The following EZR variants were observed in gnomAD, a reference collection of about 807,000 sequenced individuals.
EZR encodes the protein ezrin, also known as cytovillin 2.
EZR carries 40 observed loss-of-function variants against 74.8 expected under a neutral mutation model. The observed-to-expected ratio is 0.53, with a 90% confidence interval of 0.42 to 0.70. EZR has a LOEUF of 0.70. EZR is among the 30% of genes least tolerant of loss of function. The probability of loss-of-function intolerance (pLI) is 0.00; values close to 1 mark genes in which losing one functional copy is unlikely to be tolerated. For synonymous variants in EZR, 341 were observed against 283.3 expected, an observed-to-expected ratio of 1.20 and a Z score of -2.05; for missense variants, 678 against 755.8, an observed-to-expected ratio of 0.90 and a Z score of 1.21.
At chr6:158,774,574 A>C (rs1268198473) in intron 8 of EZR, among the ~76,000 whole-genome samples, 1 of 151,672 alleles carries the variant, frequency 6.6e-6, no homozygotes, top group Admixed American at 6.6e-5. Context: ...AGGCTACTCT[A>C]TAATAAAGGC....
At chr6:158,771,503 A>C in intron 8 of EZR, 96 bp from the exon 9 acceptor site, 1 of 1,334,624 alleles carries the variant, frequency 7.5e-7, no homozygotes. Context: ...TTTCTAAAAG[A>C]ACAAATGTAG....
At chr6:158,774,890 C>T (rs763499253) in intron 8 of EZR, among the ~76,000 whole-genome samples, 4 of 152,044 alleles carry the variant, frequency 2.6e-5, no homozygotes, top group African/African-American at 7.3e-5. Context: ...GACATGAAGA[C>T]GCTATGACCC....
At chr6:158,813,557 G>A (rs1011733595) in intron 2 of EZR, among the ~76,000 whole-genome samples, 1 of 152,238 alleles carries the variant, frequency 6.6e-6, no homozygotes, top group African/African-American at 2.4e-5. Flanking sequence ...GGAGGAGGAG[G>A]GGTGGAAACA....
At chr6:158,797,627 C>T (rs1266588766) in intron 2 of EZR, among the ~76,000 whole-genome samples, 1 of 152,194 alleles carries the variant, frequency 6.6e-6, no homozygotes, top group Non-Finnish European at 1.5e-5. Flanking sequence ...CTTTCAAATA[C>T]TTAGAAATGC....
chr6:158,817,022 T>C (rs1198302141), intron 2 of EZR, among the ~76,000 whole-genome samples: 3 of 151,962 alleles, frequency 2.0e-5, no homozygotes, highest in Non-Finnish European at 4.4e-5. Flanking sequence ...GAGGCAGAGG[T>C]TGCAGTGAGC....
intron 2 of EZR, among the ~76,000 whole-genome samples, chr6:158,817,295 C>G (rs949202133): frequency 1.3e-5 from 2 of 152,186 alleles, no homozygotes; most frequent in Non-Finnish European, 2.9e-5. Flanking sequence ...ATACATACAA[C>G]TTTCTAAGAA....
rs1790770527 is a variant in EZR at position 158,766,030 on chromosome 6, A to C, written c.*884T>G. On this transcript the variant is annotated 3_prime_UTR_variant, in exon 14 of 14. Coordinates refer to ENST00000367075, the MANE Select transcript of EZR (RefSeq NM_001111077.2). Reference sequence around the variant, plus strand: ...TGTGCATAGTCCATTACATGCATAAAACACTAATAATAATCCTGTTTACAC... The same window carrying C: ...TGTGCATAGTCCATTACATGCATAACACACTAATAATAATCCTGTTTACAC... 6.6e-6 allele frequency: 1 copy of C among 152,610 alleles called. No individual in the cohort carries two copies. The highest frequency in any genetic ancestry group is 2.1e-4 in the South Asian group (1 of 4,830). The allele number at this position is 152,610 out of a possible 1,614,324, so 9.5% of individuals were successfully genotyped here.
intron 2 of EZR, among the ~76,000 whole-genome samples, chr6:158,798,208 TTC>T (rs10597112): frequency 0.41 from 61,848 of 151,970 alleles, 13,218 homozygotes; most frequent in Non-Finnish European, 0.48. Context: ...TGGCTGTCAC[TTC>T]TGTCTACCCA....
chr6:158,813,806 G>C (rs1453676226), intron 2 of EZR, among the ~76,000 whole-genome samples: 2 of 152,226 alleles, frequency 1.3e-5, no homozygotes, highest in Non-Finnish European at 2.9e-5. Flanking sequence ...GAAATGAACA[G>C]GTAAGATGTG....
chr6:158,816,285 T>C (rs1040788095), intron 2 of EZR, among the ~76,000 whole-genome samples: 4 of 152,108 alleles, frequency 2.6e-5, no homozygotes, highest in Admixed American at 6.5e-5. Context: ...CTTAATACCT[T>C]GAAATGTAAA....
intron 2 of EZR, among the ~76,000 whole-genome samples, chr6:158,807,964 A>G (rs1409814285): frequency 6.6e-6 from 1 of 152,218 alleles, no homozygotes; most frequent in Non-Finnish European, 1.5e-5. Flanking sequence ...CATTCACTGG[A>G]TGTGACTGTC....
intron 2 of EZR, among the ~76,000 whole-genome samples, chr6:158,796,395 G>T (rs1310049850): frequency 1.3e-5 from 2 of 152,248 alleles, no homozygotes; most frequent in Admixed American, 1.3e-4. Context: ...ATTCCCTGGA[G>T]CACCTGAGCC....
At chr6:158,798,371 A>C (rs2128573310) in intron 2 of EZR, among the ~76,000 whole-genome samples, 1 of 152,356 alleles carries the variant, frequency 6.6e-6, no homozygotes, top group South Asian at 2.1e-4. Flanking sequence ...TTTAAAAACT[A>C]AACTTTTTGG....
intron 2 of EZR, among the ~76,000 whole-genome samples, chr6:158,802,592 C>G (rs543740226): frequency 6.6e-6 from 1 of 152,140 alleles, no homozygotes; most frequent in Non-Finnish European, 1.5e-5. Flanking sequence ...AGTGCAGTGG[C>G]GCAATCTCGG....
At chr6:158,777,774 T>G (rs1179365042) in intron 7 of EZR, among the ~76,000 whole-genome samples, 3 of 152,174 alleles carry the variant, frequency 2.0e-5, no homozygotes, top group Non-Finnish European at 2.9e-5. Flanking sequence ...ATGGCCCTTC[T>G]GGGGAATTAG....
chr6:158,778,639 G>A (rs1791346428), intron 7 of EZR, among the ~76,000 whole-genome samples: 1 of 152,220 alleles, frequency 6.6e-6, no homozygotes, highest in Admixed American at 6.5e-5. Flanking sequence ...GGACCAGACA[G>A]AGGCCTTTGG....
intron 1 of EZR, 35 bp downstream of exon 1, chr6:158,819,269 CCCCCCGCCCAGAA>C (rs1777639413): frequency 1.3e-5 from 2 of 153,072 alleles, no homozygotes; most frequent in East Asian, 3.9e-4. Context: ...CCACCAGGAA[CCCCCCGCCCAGAA>C]CCCCCGTCCC....
At chr6:158,809,054 A>T (rs768327508) in intron 2 of EZR, among the ~76,000 whole-genome samples, 1 of 152,326 alleles carries the variant, frequency 6.6e-6, no homozygotes, top group South Asian at 2.1e-4. Flanking sequence ...CTATGATTGT[A>T]CCACTGCACT....
chr6:158,798,529 A>G (rs980625745), intron 2 of EZR, among the ~76,000 whole-genome samples: 6 of 150,444 alleles, frequency 4.0e-5, no homozygotes, highest in African/African-American at 1.5e-4. Flanking sequence ...TCTGGGCGCT[A>G]TGGGGTGCCC....
Sources: allele counts gnomAD v4.1 joint callset (sites outside exome capture counted in the v4.1 genomes callset), GRCh38; gene constraint gnomAD v4.1.1; transcripts MANE v1.5; gene names NCBI Gene and HGNC (gene_info 2026-07-23, HGNC 2026-07-21).